ZCCHC4: variants seen among roughly 807,000 people sequenced by gnomAD.
ZCCHC4 encodes the protein rRNA N(6)-adenosine-methyltransferase ZCCHC4.
A neutral mutation model predicts 67.7 loss-of-function variants in ZCCHC4; 54 were observed. The observed-to-expected ratio is 0.80, with a 90% CI of 0.64 to 1.00. The LOEUF (loss-of-function observed/expected upper bound fraction) is 1.00, where lower values mean the gene tolerates loss of function less well. ZCCHC4 is among the 50% of genes least tolerant of loss of function. The probability of loss-of-function intolerance (pLI) is 0.00; values close to 1 mark genes in which losing one functional copy is unlikely to be tolerated. For synonymous variants in ZCCHC4, 198 were observed against 213.5 expected (o/e 0.93, Z 0.63); for missense variants, 609 against 617.0 (o/e 0.99, Z 0.14).
chr4:25,333,541 T>G, intron 4 of ZCCHC4, 83 bp downstream of exon 4: 4 of 1,415,634 alleles, frequency 2.8e-6, no homozygotes, highest in Non-Finnish European at 3.9e-6. Context: ...TTACTTACTC[T>G]GTGCAAGGTA....
At chr4:25,337,724 T>G (rs921341373) in intron 5 of ZCCHC4, among the ~76,000 whole-genome samples, 4 of 152,212 alleles carry the variant, frequency 2.6e-5, no homozygotes, top group Non-Finnish European at 5.9e-5. Flanking sequence ...CCAGCAGCAC[T>G]CATGTTCCTA....
chr4:25,314,123 G>T lies in ZCCHC4; in HGVS notation c.205G>T (p.Asp69Tyr). The T allele has an allele frequency of 6.2e-7, 1 of 1,609,978 alleles. No individual in the cohort carries two copies. Among genetic ancestry groups the T allele is most frequent in the Non-Finnish European group, 8.5e-7 (1 of 1,178,900 alleles). Residue 69 changes from aspartate (D) to tyrosine (Y), a missense_variant, in exon 2 of 13, where the codon GAT (aspartate) becomes TAT (tyrosine). By Grantham distance (160) the Asp-to-Tyr change is radical (BLOSUM62 -3). Transcript: ENST00000302874. ...RRFYACSACRDRKDCNFFQWE... is the reference protein window; with the variant it reads ...RRFYACSACRYRKDCNFFQWE... ...GTTTTATGCCTGTTCAGCCTGTAGA[G>T]ATAGAAAAGACTGTAATTTTTTTCA...
chr4:25,362,351 T>G, intron 10 of ZCCHC4, 50 bp downstream of exon 10: 1 of 1,258,580 alleles, frequency 7.9e-7, no homozygotes, highest in South Asian at 1.6e-5. Flanking sequence ...TTCATTTTAT[T>G]TTAGTTTACT....
intron 8 of ZCCHC4, among the ~76,000 whole-genome samples, chr4:25,353,232 TA>T (rs1328735501): frequency 2.0e-5 from 3 of 152,218 alleles, no homozygotes; most frequent in African/African-American, 7.2e-5. Flanking sequence ...TTTCATGTTT[TA>T]TATAACTTGC....
intron 5 of ZCCHC4, among the ~76,000 whole-genome samples, chr4:25,340,357 G>T (rs1719679265): frequency 6.6e-6 from 1 of 152,100 alleles, no homozygotes; most frequent in Non-Finnish European, 1.5e-5. Context: ...ATTGATCTAT[G>T]CCCATCCCTA....
intron 8 of ZCCHC4, 77 bp downstream of exon 8, chr4:25,351,766 AT>A: frequency 7.7e-7 from 1 of 1,303,224 alleles, no homozygotes. Context: ...CTATTCATTG[AT>A]TTTAGTAAAA....
chr4:25,364,728 A>T (rs1197820495), intron 11 of ZCCHC4, among the ~76,000 whole-genome samples: 1 of 152,168 alleles, frequency 6.6e-6, no homozygotes, highest in African/African-American at 2.4e-5. Context: ...GTTTGGTTTG[A>T]CTTATTTTAA....
At chr4:25,344,379 G>C (rs375541196) in intron 5 of ZCCHC4, among the ~76,000 whole-genome samples, 1 of 146,770 alleles carries the variant, frequency 6.8e-6, no homozygotes, top group East Asian at 2.0e-4. Flanking sequence ...ACCAAACACC[G>C]CATGTTCTCA....
At chr4:25,333,714 T>G (rs1250986759) in intron 4 of ZCCHC4, among the ~76,000 whole-genome samples, 194 bp from the exon 5 acceptor site, 1 of 152,250 alleles carries the variant, frequency 6.6e-6, no homozygotes, top group African/African-American at 2.4e-5. Context: ...TTTAGACCTC[T>G]CTGTTTCAGA....
chr4:25,362,156 T>C, intron 9 of ZCCHC4, 70 bp from the exon 10 acceptor site: 1 of 1,486,658 alleles, frequency 6.7e-7, no homozygotes, highest in Non-Finnish European at 9.2e-7. Flanking sequence ...AATGAGTGCT[T>C]TGTAAAGTTT....
chr4:25,351,258 C>T (rs1233452378), intron 7 of ZCCHC4, among the ~76,000 whole-genome samples: 1 of 152,220 alleles, frequency 6.6e-6, no homozygotes, highest in Non-Finnish European at 1.5e-5. Flanking sequence ...TTCACTGCAT[C>T]ATGACTACCT....
intron 5 of ZCCHC4, among the ~76,000 whole-genome samples, chr4:25,337,931 G>T (rs917556618): frequency 3.3e-5 from 5 of 152,136 alleles, no homozygotes; most frequent in African/African-American, 1.2e-4. Flanking sequence ...TGTTAAAATT[G>T]CAAGAATCCT....
rs758525284 is a variant in ZCCHC4, at chr4:25,312,829, G to A, written c.20G>A (p.Gly7Glu). The change falls in exon 1 of 13, where the codon GGG becomes GAG. Residue 7 changes from glycine to glutamate, a missense_variant. Gly to Glu is a moderately conservative substitution (Grantham distance 98, BLOSUM62 -2). Transcript: ENST00000302874. MAASRN[G>E]FEAVEAEGSA... ...GGGAAGATGGCGGCCTCCAGGAATGGGTTTGAAGCCGTGGAGGCAGAGGGC... is the reference window on the plus strand; with the variant it reads ...GGGAAGATGGCGGCCTCCAGGAATGAGTTTGAAGCCGTGGAGGCAGAGGGC... The A allele has an allele frequency of 3.7e-6, 6 of 1,613,230 alleles. No individual in the cohort carries two copies. The East Asian group carries it at 1.3e-4, about 36-fold the overall frequency.
chr4:25,362,001 T>C, intron 9 of ZCCHC4, 21 bp downstream of exon 9: 1 of 1,604,992 alleles, frequency 6.2e-7, no homozygotes, highest in East Asian at 2.2e-5. Context: ...AGTGGAACTT[T>C]GAAGTACACA....
intron 3 of ZCCHC4, among the ~76,000 whole-genome samples, chr4:25,325,933 T>A (rs1309925148): frequency 6.6e-6 from 1 of 152,066 alleles, no homozygotes; most frequent in African/African-American, 2.4e-5. Context: ...GAAAAAAAAA[T>A]ACTTTTCCAG....
At chr4:25,363,024 C>A (rs1007711619) in intron 10 of ZCCHC4, among the ~76,000 whole-genome samples, 3 of 152,164 alleles carry the variant, frequency 2.0e-5, no homozygotes, top group African/African-American at 7.2e-5. Flanking sequence ...ATCATTAACA[C>A]CCTGAGCCCA....
At chr4:25,331,455 C>G (rs1214244760) in intron 3 of ZCCHC4, among the ~76,000 whole-genome samples, 1 of 152,090 alleles carries the variant, frequency 6.6e-6, no homozygotes, top group Non-Finnish European at 1.5e-5. Flanking sequence ...CAGGCACATA[C>G]CACCACACCT....
At chr4:25,367,595 G>T (rs1053372349) in intron 12 of ZCCHC4, among the ~76,000 whole-genome samples, 139 of 152,054 alleles carry the variant, frequency 9.1e-4, no homozygotes, top group African/African-American at 3.2e-3. Context: ...CTTTAAAAAA[G>T]TGGGGAAATA....
chr4:25,346,934 A>G (rs1439131435), intron 6 of ZCCHC4, among the ~76,000 whole-genome samples: 1 of 152,230 alleles, frequency 6.6e-6, no homozygotes, highest in Non-Finnish European at 1.5e-5. Flanking sequence ...TCACGGAAGC[A>G]GTGAGAAGAC....
Sources: gnomAD v4.1 joint callset for allele counts (sites outside exome capture counted in the v4.1 genomes callset) on GRCh38, gnomAD v4.1.1 for gene constraint, MANE v1.5 for transcripts, NCBI Gene and HGNC (gene_info 2026-07-23, HGNC 2026-07-21) for gene names.